PCDHGB4: variants seen among roughly 807,000 people sequenced by gnomAD.
PCDHGB4 encodes the protein protocadherin gamma subfamily B, 4, also known as protocadherin gamma-B4.
PCDHGB4 carries 38 observed loss-of-function variants against 60.5 expected under a neutral mutation model. The observed-to-expected ratio is 0.63, with a 90% CI of 0.48 to 0.82. The LOEUF (loss-of-function observed/expected upper bound fraction) is 0.82, where lower values mean the gene tolerates loss of function less well. Ranked by LOEUF, PCDHGB4 falls within the 40% of genes least tolerant of loss-of-function variation. The pLI, the probability that PCDHGB4 is intolerant of heterozygous loss-of-function variation, is 0.00. For synonymous variants in PCDHGB4, 456 were observed against 509.7 expected, an observed-to-expected ratio of 0.89 and a Z score of 1.42; for missense variants, 1,109 against 1,209.6, an observed-to-expected ratio of 0.92 and a Z score of 1.23.
intron 1 of PCDHGB4, chr5:141,427,474 A>G (rs373512099): frequency 3.7e-5 from 19 of 520,294 alleles, no homozygotes; most frequent in African/African-American, 1.5e-4. Context: ...TCTTCCGCCA[A>G]TAATGACTAT....
chr5:141,388,748 C>T lies in PCDHGB4; in HGVS notation c.864C>T (p.Thr288=). 6.2e-7 allele frequency: 1 copy of T among 1,613,928 alleles called. No individual in the cohort carries two copies. The highest frequency in any genetic ancestry group is 8.5e-7 in the Non-Finnish European group (1 of 1,179,872). The change falls in exon 1 of 4, where the codon ACC becomes ACT. Residue 288 remains threonine (T), a synonymous_variant. Transcript: ENST00000519479. ...TFSFSEASQI[T]QFDLNSNTGE... is the part of the protein sequence containing the mutation. ...CTTTCAGTGAAGCTAGCCAGATCAC[C>T]CAATTTGACCTGAACTCTAACACCG...
intron 1 of PCDHGB4, chr5:141,441,249 TA>T (rs981387539): frequency 6.6e-6 from 1 of 152,206 alleles, no homozygotes; most frequent in Non-Finnish European, 1.5e-5. Context: ...ACAAGATCTT[TA>T]AATCACAAGA....
intron 1 of PCDHGB4, chr5:141,430,691 G>C (rs1479214920): frequency 1.4e-6 from 2 of 1,416,472 alleles, no homozygotes; most frequent in Non-Finnish European, 1.9e-6. Flanking sequence ...CCATTCTATG[G>C]GCGAAGGAAC....
intron 1 of PCDHGB4, chr5:141,400,610 T>C (rs1561677991): frequency 3.2e-6 from 5 of 1,573,090 alleles, no homozygotes; most frequent in Non-Finnish European, 4.4e-6. Flanking sequence ...TCAAGTCCAA[T>C]GAGTTGTCTT....
chr5:141,465,430 C>T (rs1212434943), intron 1 of PCDHGB4, among the ~76,000 whole-genome samples: 2 of 152,150 alleles, frequency 1.3e-5, no homozygotes, highest in Non-Finnish European at 2.9e-5. Context: ...AAGGTGGGCA[C>T]TTAATGATTA....
chr5:141,398,325 G>A, intron 1 of PCDHGB4: 9 of 1,355,732 alleles, frequency 6.6e-6, no homozygotes, highest in Non-Finnish European at 8.2e-6. Flanking sequence ...CTCGAAAACT[G>A]CGCGTCAGTT....
intron 1 of PCDHGB4, chr5:141,400,564 C>T: frequency 6.2e-7 from 1 of 1,612,936 alleles, no homozygotes; most frequent in South Asian, 1.1e-5. Context: ...ATTACCCACC[C>T]AATTTTCTGT....
Position 141,490,536 on chromosome 5 carries a change from T to C in PCDHGB4, c.2398-4271T>C. ...TGCTGGCCAGCGATGCTGGTTCACCTTCCCTACACAAACATCTCACCATCA... is the reference window on the plus strand; with the variant it reads ...TGCTGGCCAGCGATGCTGGTTCACCCTCCCTACACAAACATCTCACCATCA... On this transcript the variant is annotated intron_variant, in intron 1 of 3. Transcript: ENST00000519479. The surrounding 1 kb of genome is among the most constrained non-coding windows in gnomAD (Gnocchi z 5.4). The C allele has an allele frequency of 1.9e-6, 3 of 1,614,150 alleles. No individual in the cohort carries two copies. The highest frequency in any genetic ancestry group is 2.5e-6 in the Non-Finnish European group (3 of 1,180,010).
Position 141,490,705 on chromosome 5 carries a change from C to T in PCDHGB4, c.2398-4102C>T. 1 of 1,614,194 alleles carries T rather than the reference C, an allele frequency of 6.2e-7. No individual in the cohort carries two copies. Among genetic ancestry groups the T allele is most frequent in the South Asian group, 1.1e-5 (1 of 91,082 alleles). On this transcript the variant is annotated intron_variant, in intron 1 of 3. Coordinates refer to ENST00000519479, the MANE Select transcript of PCDHGB4 (RefSeq NM_003736.4). This position sits in a 1 kb window ranked among gnomAD's most constrained non-coding sequence, Gnocchi z 5.4. ...TCCAGACACTGGGGATAATGCCCGC[C>T]TCACCTACTCCATTGTAGGAAATCA...
At chr5:141,394,667 G>T in intron 1 of PCDHGB4, 2 of 1,613,252 alleles carry the variant, frequency 1.2e-6, no homozygotes, top group East Asian at 2.2e-5. Flanking sequence ...GACTCTTCTC[G>T]GTGGGTCTGC....
At chr5:141,457,677 T>C (rs1386991642) in intron 1 of PCDHGB4, among the ~76,000 whole-genome samples, 1 of 152,262 alleles carries the variant, frequency 6.6e-6, no homozygotes, top group Non-Finnish European at 1.5e-5. Flanking sequence ...TATTTCTACA[T>C]AGGACTTTTG....
chr5:141,412,839 G>A, intron 1 of PCDHGB4: 1 of 203,324 alleles, frequency 4.9e-6, no homozygotes, highest in Admixed American at 5.8e-5. Context: ...TTAAAGATAG[G>A]AGTGGAGAAA....
At chr5:141,504,269 A>T (rs7715517) in intron 2 of PCDHGB4, among the ~76,000 whole-genome samples, 3,100 of 152,246 alleles carry the variant, frequency 0.02, 113 homozygotes, top group African/African-American at 0.07. Context: ...GTATTTTTTT[A>T]AATTATGAAT....
chr5:141,434,621 G>A (rs980508411), intron 1 of PCDHGB4, among the ~76,000 whole-genome samples: 1 of 151,966 alleles, frequency 6.6e-6, no homozygotes, highest in Non-Finnish European at 1.5e-5. Flanking sequence ...CCATCTCTTC[G>A]TTTCCCATAA....
chr5:141,409,831 C>T (rs1015263434), intron 1 of PCDHGB4: 2 of 1,611,128 alleles, frequency 1.2e-6, no homozygotes, highest in Non-Finnish European at 1.7e-6. Flanking sequence ...CCACGCTCAG[C>T]GCCAACGTGA....
chr5:141,443,618 G>A (rs901899343), intron 1 of PCDHGB4, among the ~76,000 whole-genome samples: 2 of 152,178 alleles, frequency 1.3e-5, no homozygotes, highest in Non-Finnish European at 2.9e-5. Context: ...TTATAATCAG[G>A]TGATTGTAAA....
intron 1 of PCDHGB4, chr5:141,392,848 A>C (rs374832992): frequency 1.2e-6 from 2 of 1,610,796 alleles, no homozygotes; most frequent in Non-Finnish European, 1.7e-6. Flanking sequence ...AGACGCGGCG[A>C]GCTGATCCTG....
chr5:141,456,043 G>A (rs62379189), intron 1 of PCDHGB4, among the ~76,000 whole-genome samples: 6,917 of 151,746 alleles, frequency 0.046, 202 homozygotes, highest in Middle Eastern at 0.086. Flanking sequence ...GACTACAGGC[G>A]CCCACCACCA....
intron 3 of PCDHGB4, among the ~76,000 whole-genome samples, chr5:141,505,942 G>A (rs2099849309): frequency 6.6e-6 from 1 of 152,192 alleles, no homozygotes; most frequent in African/African-American, 2.4e-5. Flanking sequence ...AAGCCCTCAA[G>A]CAATGAAAGT....
Sources: allele counts gnomAD v4.1 joint callset (sites outside exome capture counted in the v4.1 genomes callset), GRCh38; gene constraint gnomAD v4.1.1; non-coding constraint Gnocchi (gnomAD v3.1); transcripts MANE v1.5; gene names NCBI Gene and HGNC (gene_info 2026-07-23, HGNC 2026-07-21).